The following FOCAD variants were observed in gnomAD, a reference collection of about 807,000 sequenced individuals.
The protein encoded by FOCAD is focadhesin, also known as KIAA1797.
FOCAD carries 198 observed loss-of-function variants against 225.6 expected under a neutral mutation model. That is an observed-to-expected ratio of 0.88 (90% CI 0.78 to 0.99). The LOEUF (loss-of-function observed/expected upper bound fraction) is 0.99. FOCAD is among the 50% of genes least tolerant of loss of function. FOCAD has a pLI of 0.00. For missense variants in FOCAD, 2,713 were observed against 2,123.6 expected (o/e 1.28, Z -5.46); for synonymous variants, 897 against 755.0 (o/e 1.19, Z -3.08).
chr9:20,989,459 C>G (rs1259287856), intron 41 of FOCAD, among the ~76,000 whole-genome samples: 1 of 152,134 alleles, frequency 6.6e-6, no homozygotes, highest in Non-Finnish European at 1.5e-5. Context: ...CTCCTATAAT[C>G]ACCATTTCTA....
chr9:20,863,544 A>C (rs951709207), intron 16 of FOCAD: 3 of 152,138 alleles, frequency 2.0e-5, no homozygotes, highest in African/African-American at 7.2e-5. Context: ...TGCATAATCT[A>C]TATGTAGTAA....
intron 18 of FOCAD, 113 bp from the exon 19 acceptor site, chr9:20,874,568 A>G (rs1587471398): frequency 2.0e-6 from 2 of 1,012,688 alleles, no homozygotes; most frequent in African/African-American, 1.6e-5. Context: ...TATGTTATAG[A>G]GTGATGGAGT....
chr9:20,956,340 G>C (rs1838135001), intron 35 of FOCAD, among the ~76,000 whole-genome samples: 1 of 152,138 alleles, frequency 6.6e-6, no homozygotes, highest in Non-Finnish European at 1.5e-5. Context: ...TTTAGAAATA[G>C]TTTACCTGTA....
intron 39 of FOCAD, among the ~76,000 whole-genome samples, chr9:20,983,355 T>C (rs773701151): frequency 7.4e-4 from 113 of 151,980 alleles, no homozygotes; most frequent in Non-Finnish European, 1.4e-3. Flanking sequence ...GGGTGGATCA[T>C]GTGGTCAAGA....
Position 20,720,383 on chromosome 9 carries a change from C to A in FOCAD, c.136C>A (p.Pro46Thr), listed in dbSNP as rs746360161. The change falls in exon 4 of 44, where the codon CCT (proline) becomes ACT (threonine). Residue 46 changes from proline to threonine, a missense_variant. By Grantham distance (38) the Pro-to-Thr change is conservative (BLOSUM62 -1). Transcript: ENST00000338382. ...CTAATCACTGGTTTGGTTTCAGACTCCTGCTTTGAACTTGCTGTGGGAGAA... is the reference window on the plus strand; with the variant it reads ...CTAATCACTGGTTTGGTTTCAGACTACTGCTTTGAACTTGCTGTGGGAGAA... ...EKIHQSTNQT[P>T]ALNLLWEKCC... is the part of the protein sequence containing the mutation. 2.5e-6 allele frequency: 4 copies of A among 1,613,818 alleles called. No individual in the cohort carries two copies. The highest frequency in any genetic ancestry group is 2.2e-5 in the East Asian group (1 of 44,882).
chr9:20,970,355 C>A (rs1322011005), intron 35 of FOCAD, among the ~76,000 whole-genome samples: 6 of 151,990 alleles, frequency 3.9e-5, no homozygotes, highest in Admixed American at 3.9e-4. Flanking sequence ...CTTGATGTAT[C>A]CTTAGGCTCA....
At chr9:20,892,195 G>T (rs1297674977) in intron 21 of FOCAD, among the ~76,000 whole-genome samples, 1 of 152,156 alleles carries the variant, frequency 6.6e-6, no homozygotes, top group African/African-American at 2.4e-5. Flanking sequence ...TCTGATGGAG[G>T]TGTTCAAGGA....
intron 1 of FOCAD, among the ~76,000 whole-genome samples, chr9:20,686,815 T>C (rs1013928624): frequency 6.6e-6 from 1 of 152,214 alleles, no homozygotes; most frequent in Non-Finnish European, 1.5e-5. Flanking sequence ...GTTTTGTTAC[T>C]ATTTCCACAT....
At chr9:20,714,666 TC>T (rs1825177872) in intron 1 of FOCAD, among the ~76,000 whole-genome samples, 1 of 146,312 alleles carries the variant, frequency 6.8e-6, no homozygotes. Flanking sequence ...CTTCCTTCCT[TC>T]CTTCCTTCCT....
At chr9:20,953,977 T>C (rs1837916909) in intron 35 of FOCAD, among the ~76,000 whole-genome samples, 1 of 152,188 alleles carries the variant, frequency 6.6e-6, no homozygotes, top group Non-Finnish European at 1.5e-5. Flanking sequence ...GGAAGGGAAG[T>C]TAAATCTGTG....
intron 3 of FOCAD, 73 bp downstream of exon 3, chr9:20,717,941 C>T: frequency 8.8e-7 from 1 of 1,135,450 alleles, no homozygotes; most frequent in South Asian, 1.3e-5. Flanking sequence ...ATGCACCTGT[C>T]TTGTTTCCCT....
At chr9:20,775,164 G>C (rs986931154) in intron 8 of FOCAD, among the ~76,000 whole-genome samples, 2 of 152,064 alleles carry the variant, frequency 1.3e-5, no homozygotes, top group African/African-American at 2.4e-5. Flanking sequence ...CATTGAAAAT[G>C]GATTTATTTC....
At chr9:20,843,088 T>G (rs1040931381) in intron 15 of FOCAD, among the ~76,000 whole-genome samples, 3 of 152,038 alleles carry the variant, frequency 2.0e-5, no homozygotes, top group African/African-American at 4.8e-5. Flanking sequence ...GTTGGTATTA[T>G]TTTTGATAGC....
chr9:20,748,655 C>G (rs963587014), intron 5 of FOCAD, among the ~76,000 whole-genome samples: 1 of 152,060 alleles, frequency 6.6e-6, no homozygotes, highest in African/African-American at 2.4e-5. Context: ...GAAAACATAG[C>G]TAGTAATACT....
intron 2 of FOCAD, among the ~76,000 whole-genome samples, chr9:20,660,285 C>A (rs1024574589): frequency 1.3e-5 from 2 of 152,176 alleles, no homozygotes; most frequent in East Asian, 3.8e-4. Context: ...GTCACATATC[C>A]TTACAATGAC....
Position 20,885,129 on chromosome 9 carries a change from G to T in FOCAD, c.2524G>T (p.Asp842Tyr). Residue 842 changes from aspartate to tyrosine, a missense_variant, in exon 21 of 44, where the codon GAT becomes TAT. Physicochemically the swap from Asp to Tyr is radical, Grantham distance 160. Transcript: ENST00000338382. The part of the protein sequence containing the change: ...GLAGGMLFCY[D>Y]VSMYQSKDGK... ...TAAAGGTGGTATGTTATTTTGCTAT[G>T]ATGTTTCCATGTATCAGAGTAAAGA... 1 of 1,495,468 alleles carries T rather than the reference G, an allele frequency of 6.7e-7. No individual in the cohort carries two copies. The highest frequency in any genetic ancestry group is 1.4e-5 in the African/African-American group (1 of 70,524). 92.6% of individuals were successfully genotyped at this position (1,495,468 alleles called of 1,614,324 possible).
chr9:20,911,175 AT>A (rs1315886067), intron 22 of FOCAD, among the ~76,000 whole-genome samples: 2 of 152,136 alleles, frequency 1.3e-5, no homozygotes, highest in African/African-American at 4.8e-5. Flanking sequence ...TATCTTGCTA[AT>A]TTCCAAGAAA....
chr9:20,945,440 A>T (rs951189508), intron 29 of FOCAD, among the ~76,000 whole-genome samples: 1 of 152,200 alleles, frequency 6.6e-6, no homozygotes, highest in African/African-American at 2.4e-5. Context: ...TCATTAGAAC[A>T]GATTCTATTT....
rs752435022 is a variant in FOCAD, at chr9:20,820,283, A to C, written c.1561-41A>C. Reference sequence around the variant, plus strand: ...TTTTGGTAACCTCGAGGTTGTCTGCATTCAAGTTTATGCAACTAGAGTTTC... The same window carrying C: ...TTTTGGTAACCTCGAGGTTGTCTGCCTTCAAGTTTATGCAACTAGAGTTTC... On this transcript the variant is annotated intron_variant, in intron 12 of 43. Coordinates refer to ENST00000338382, the MANE Select transcript of FOCAD (RefSeq NM_001375567.1). 4.1e-6 allele frequency: 6 copies of C among 1,479,608 alleles called. No individual in the cohort carries two copies. The Admixed American group carries it at 9.4e-5, about 23-fold the overall frequency. The allele number at this position is 1,479,608 out of a possible 1,614,324, so 91.7% of individuals were successfully genotyped here.
Sources: gnomAD v4.1 joint callset for allele counts (sites outside exome capture counted in the v4.1 genomes callset) on GRCh38, gnomAD v4.1.1 for gene constraint, MANE v1.5 for transcripts, NCBI Gene and HGNC (gene_info 2026-07-23, HGNC 2026-07-21) for gene names.